Variants in ZNF337 observed in about 807,000 individuals in gnomAD.
ZNF337 encodes the protein zinc finger protein 337.
Under a neutral mutation model 12.1 loss-of-function variants are expected in ZNF337, and 8 were observed. That is an observed-to-expected ratio of 0.66 (90% CI 0.39 to 1.19). The LOEUF (loss-of-function observed/expected upper bound fraction) is 1.19. ZNF337 is among the 50% of genes most tolerant of loss of function. The pLI is 0.01. For synonymous variants in ZNF337, 336 were observed against 320.0 expected (o/e 1.05, Z -0.53); for missense variants, 882 against 896.6 (o/e 0.98, Z 0.21).
chr20:25,682,289 G>A (rs1178936164), intron 4 of ZNF337, among the ~76,000 whole-genome samples: 2 of 152,080 alleles, frequency 1.3e-5, no homozygotes, highest in African/African-American at 4.8e-5. Flanking sequence ...ATCCAGGAAT[G>A]GGAGATGAGG....
chr20:25,677,334 C>A, intron 4 of ZNF337: 1 of 289,032 alleles, frequency 3.5e-6, no homozygotes, highest in Non-Finnish European at 6.4e-6. Flanking sequence ...CAACAAAATA[C>A]TAGCAAAACC....
At chr20:25,686,366 G>A in intron 2 of ZNF337, 25 bp downstream of exon 2, 3 of 1,605,808 alleles carry the variant, frequency 1.9e-6, no homozygotes, top group Non-Finnish European at 2.6e-6. Flanking sequence ...GTGACAGCAA[G>A]AACGACAGTT....
chr20:25,696,658 C>G (rs772259017), intron 1 of ZNF337, 101 bp downstream of exon 1: 222 of 839,444 alleles, frequency 2.6e-4, no homozygotes, highest in Non-Finnish European at 3.1e-4. Context: ...GGAGCGCGCG[C>G]TACGGCCCCA....
intron 3 of ZNF337, 78 bp downstream of exon 3, chr20:25,685,918 T>C: frequency 6.5e-7 from 1 of 1,538,674 alleles, no homozygotes; most frequent in South Asian, 1.3e-5. Context: ...AACAACATTC[T>C]TGTCTCTGAA....
At position 25,696,098 on chromosome 20, in the gene ZNF337, C is replaced by G. The variant is rs111631673; in HGVS notation, c.-50+661G>C. ...CTGCCCCACGCAGATCCCCCCCCCC[C>G]CCCACCAAAACACGTCTAGACGTGC... On this transcript the variant is annotated intron_variant, in intron 1 of 4. Transcript: ENST00000252979. Among the ~76,000 whole-genome samples, 35 of 129,124 alleles carry G rather than the reference C, an allele frequency of 2.7e-4. 2 individuals are homozygous for G. Among genetic ancestry groups the G allele is most frequent in the African/African-American group, 1.0e-3 (33 of 33,074 alleles). 84.7% of individuals were successfully genotyped at this position (129,124 alleles called of 152,430 possible).
Position 25,685,487 on chromosome 20 carries a change from G to A in ZNF337, c.250+80C>T, listed in dbSNP as rs186757879. 6,453 of 1,222,804 alleles carry A rather than the reference G, an allele frequency of 5.3e-3. 38 individuals are homozygous for A. The highest frequency in any genetic ancestry group is 5.7e-3 in the Non-Finnish European group (4,815 of 845,486). The allele number at this position is 1,222,804 out of a possible 1,614,324, so 75.7% of individuals were successfully genotyped here. ...CCAAGGAGGCCAGAACAGCTTCCAG[G>A]TCCCCTGGCCTCAGAGAAGCCTCCT... On this transcript the variant is annotated intron_variant, in intron 4 of 4. Transcript: ENST00000252979.
At chr20:25,689,085 C>T (rs1480391785) in intron 1 of ZNF337, among the ~76,000 whole-genome samples, 2 of 137,594 alleles carry the variant, frequency 1.5e-5, no homozygotes, top group Non-Finnish European at 3.1e-5. Flanking sequence ...TGCAGTGAGC[C>T]GAGATCGCGC....
rs890522763 is a variant in ZNF337 at position 25,696,092 on chromosome 20, C to A, written c.-50+667G>T. Among the ~76,000 whole-genome samples, 90 of 110,900 alleles carry A rather than the reference C, an allele frequency of 8.1e-4. 1 individual carries two copies. Among genetic ancestry groups the A allele is most frequent in the Admixed American group, 3.2e-3 (38 of 11,770 alleles). 72.8% of individuals were successfully genotyped at this position (110,900 alleles called of 152,430 possible). On this transcript the variant is annotated intron_variant, in intron 1 of 4. Coordinates refer to ENST00000252979, the MANE Select transcript of ZNF337 (RefSeq NM_015655.4). ...CGGACGCTGCCCCACGCAGATCCCC[C>A]CCCCCCCCCACCAAAACACGTCTAG...
chr20:25,686,653 G>A (rs2065836726), intron 1 of ZNF337, 187 bp from the exon 2 acceptor site: 3 of 564,984 alleles, frequency 5.3e-6, no homozygotes, highest in Non-Finnish European at 9.4e-6. Flanking sequence ...TCATCTGGGA[G>A]TGAAGTGTGC....
rs2065822794 is a variant in ZNF337 at position 25,685,615 on chromosome 20, C to T, written c.202G>A (p.Glu68Lys). ...PELIRRLEQG[E>K]VPWGEERRRR... ...CTTCTCTCTTCTCCCCAGGGCACTT[C>T]CCCTTGCTCTAGCCGCCTGATGAGT... The change falls in exon 4 of 5, where the codon GAA becomes AAA. Residue 68 changes from glutamate (E) to lysine (K), a missense_variant. Coordinates refer to ENST00000252979, the MANE Select transcript of ZNF337 (RefSeq NM_015655.4). 1 of 1,614,074 alleles carries T rather than the reference C, an allele frequency of 6.2e-7. No homozygotes were observed. The highest frequency in any genetic ancestry group is 1.7e-5 in the Admixed American group (1 of 60,004).
chr20:25,696,696 C>G, intron 1 of ZNF337, 63 bp downstream of exon 1: 1 of 968,748 alleles, frequency 1.0e-6, no homozygotes, highest in Non-Finnish European at 1.2e-6. Context: ...CAGGCCTTCC[C>G]GGCCCTTCTT....
At position 25,685,637 on chromosome 20, in the gene ZNF337, G is replaced by C; in HGVS notation, c.180C>G (p.Leu60=). ...SLGILHSKPE[L]IRRLEQGEVP... ...CTTCCCCTTGCTCTAGCCGCCTGAT[G>C]AGTTCTGGTTTAGAATGGAGAATTC... The change falls in exon 4 of 5, where the codon CTC becomes CTG. Residue 60 remains leucine (L), a synonymous_variant. Transcript: ENST00000252979. The C allele has an allele frequency of 6.2e-7, 1 of 1,614,164 alleles. No homozygotes were observed. Among genetic ancestry groups the C allele is most frequent in the Non-Finnish European group, 8.5e-7 (1 of 1,180,024 alleles).
At chr20:25,689,134 C>CAAAAA (rs35337654) in intron 1 of ZNF337, among the ~76,000 whole-genome samples, 9 of 66,982 alleles carry the variant, frequency 1.3e-4, no homozygotes, top group Non-Finnish European at 2.6e-4. Flanking sequence ...GACTCCGTCA[C>CAAAAA]AAAAAAAAAA....
Position 25,679,671 on chromosome 20 carries a change from A to C in ZNF337, c.251-2634T>G, listed in dbSNP as rs2065747418. 1.3e-5 allele frequency among the ~76,000 whole-genome samples: 2 copies of C among 152,198 alleles called. 1 individual carries two copies. Among genetic ancestry groups the C allele is most frequent in the South Asian group, 4.1e-4 (2 of 4,832 alleles). On this transcript the variant is annotated intron_variant, in intron 4 of 4. Transcript: ENST00000252979. Reference sequence around the variant, plus strand: ...AGAGAAAAAATAACAAATAATGGCAAAGATGCAGAAAAAAGGCAATAATTA... The same window carrying C: ...AGAGAAAAAATAACAAATAATGGCACAGATGCAGAAAAAAGGCAATAATTA...
chr20:25,691,332 G>A (rs1340096523), intron 1 of ZNF337, among the ~76,000 whole-genome samples: 2 of 152,264 alleles, frequency 1.3e-5, no homozygotes, highest in Middle Eastern at 3.4e-3. Flanking sequence ...CCATTAACTG[G>A]ACATATATAT....
At chr20:25,679,149 A>T (rs2065739865) in intron 4 of ZNF337, among the ~76,000 whole-genome samples, 1 of 152,234 alleles carries the variant, frequency 6.6e-6, no homozygotes, top group Non-Finnish European at 1.5e-5. Context: ...TGTTTCTCAT[A>T]CTATACAAAA....
At position 25,676,547 on chromosome 20, in the gene ZNF337, G is replaced by A; in HGVS notation, c.741C>T (p.Leu247=). Residue 247 remains leucine, a synonymous_variant, in exon 5 of 5, where the codon CTC becomes CTT. Transcript: ENST00000252979. ...VCSVCGRGFS[L]KANLLRHQRT... is the part of the protein sequence containing the mutation. ...TCTGGTGTCTGAGGAGGTTGGCCTT[G>A]AGGCTGAAGCCTCGCCCACACACAC... The A allele has an allele frequency of 1.2e-6, 2 of 1,611,888 alleles. No homozygotes were observed. The highest frequency in any genetic ancestry group is 1.7e-6 in the Non-Finnish European group (2 of 1,179,334).
Position 25,685,626 on chromosome 20 carries a change from A to G in ZNF337, c.191T>C (p.Leu64Pro). 6.2e-7 allele frequency: 1 copy of G among 1,614,178 alleles called. No individual in the cohort carries two copies. The highest frequency in any genetic ancestry group is 8.5e-7 in the Non-Finnish European group (1 of 1,180,024). ...TCCCCAGGGCACTTCCCCTTGCTCTAGCCGCCTGATGAGTTCTGGTTTAGA... is the reference window on the plus strand; with the variant it reads ...TCCCCAGGGCACTTCCCCTTGCTCTGGCCGCCTGATGAGTTCTGGTTTAGA... The part of the protein sequence containing the change: ...LHSKPELIRR[L>P]EQGEVPWGEE... Residue 64 changes from leucine (L) to proline (P), a missense_variant, in exon 4 of 5, where the codon CTA becomes CCA. Transcript: ENST00000252979.
chr20:25,684,436 C>T (rs1014055610), intron 4 of ZNF337, among the ~76,000 whole-genome samples: 5 of 151,994 alleles, frequency 3.3e-5, no homozygotes, highest in African/African-American at 4.8e-5. Flanking sequence ...TACCATCTCA[C>T]GCCAGTTAGA....
Sources: gnomAD v4.1 joint callset for allele counts (sites outside exome capture counted in the v4.1 genomes callset) on GRCh38, gnomAD v4.1.1 for gene constraint, MANE v1.5 for transcripts, NCBI Gene and HGNC (gene_info 2026-07-23, HGNC 2026-07-21) for gene names.